The following SCFD2 variants were observed in gnomAD, a reference collection of about 807,000 sequenced individuals.
SCFD2 encodes sec1 family domain-containing protein 2.
Under a neutral mutation model 58.9 loss-of-function variants are expected in SCFD2, and 54 were observed. That is an observed-to-expected ratio of 0.92 (90% confidence interval 0.74 to 1.15). SCFD2 has a LOEUF of 1.15. Among genes scored for constraint, SCFD2 ranks in the 50% most tolerant of loss-of-function variants. SCFD2 has a pLI of 0.00. For missense variants in SCFD2, 805 were observed against 836.6 expected, an observed-to-expected ratio of 0.96 and a Z score of 0.47; for synonymous variants, 321 against 335.9, an observed-to-expected ratio of 0.96 and a Z score of 0.49.
At chr4:52,935,812 CAT>C (rs1457119770) in intron 5 of SCFD2, among the ~76,000 whole-genome samples, 1 of 152,102 alleles carries the variant, frequency 6.6e-6, no homozygotes, top group Non-Finnish European at 1.5e-5. Flanking sequence ...AGAAGCAACA[CAT>C]ATCTATCTCA....
chr4:53,287,832 T>C (rs932649991), intron 3 of SCFD2, among the ~76,000 whole-genome samples: 1 of 152,034 alleles, frequency 6.6e-6, no homozygotes, highest in African/African-American at 2.4e-5. Context: ...AAATAGACAA[T>C]TGAATTAAAC....
At chr4:53,343,017 A>G (rs1363960900) in intron 2 of SCFD2, among the ~76,000 whole-genome samples, 1 of 152,220 alleles carries the variant, frequency 6.6e-6, no homozygotes, top group Non-Finnish European at 1.5e-5. Flanking sequence ...GAAAGATCTA[A>G]AATTGACACC....
At chr4:52,959,383 A>G (rs1376226237) in intron 5 of SCFD2, among the ~76,000 whole-genome samples, 1 of 152,128 alleles carries the variant, frequency 6.6e-6, no homozygotes, top group African/African-American at 2.4e-5. Flanking sequence ...AATGTACAAA[A>G]TCAGAATCTC....
At chr4:53,221,184 A>T (rs1382753999) in intron 4 of SCFD2, among the ~76,000 whole-genome samples, 1 of 152,214 alleles carries the variant, frequency 6.6e-6, no homozygotes, top group African/African-American at 2.4e-5. Context: ...CAAATGAGGA[A>T]AATAGGGTTC....
intron 5 of SCFD2, among the ~76,000 whole-genome samples, chr4:53,120,655 G>A (rs1364428892): frequency 1.3e-5 from 2 of 152,124 alleles, no homozygotes; most frequent in African/African-American, 2.4e-5. Flanking sequence ...GACAGTATCA[G>A]GTTAGAGAGA....
intron 4 of SCFD2, among the ~76,000 whole-genome samples, chr4:53,218,177 G>T (rs188938584): frequency 6.6e-6 from 1 of 152,196 alleles, no homozygotes; most frequent in Non-Finnish European, 1.5e-5. Context: ...TTCCGGAATT[G>T]GAATGTTGGC....
chr4:53,146,541 G>A (rs1255491560), intron 4 of SCFD2, among the ~76,000 whole-genome samples: 1 of 152,090 alleles, frequency 6.6e-6, no homozygotes, highest in Non-Finnish European at 1.5e-5. Context: ...CACCTACTAT[G>A]TTCTAGGCAC....
At chr4:53,134,532 C>T (rs777683428) in intron 5 of SCFD2, among the ~76,000 whole-genome samples, 14 of 151,980 alleles carry the variant, frequency 9.2e-5, no homozygotes, top group Non-Finnish European at 1.6e-4. Context: ...TTTTAAAAAG[C>T]GTGGTTCACT....
At chr4:52,928,152 T>C (rs940114375) in intron 5 of SCFD2, among the ~76,000 whole-genome samples, 1 of 151,802 alleles carries the variant, frequency 6.6e-6, no homozygotes, top group Non-Finnish European at 1.5e-5. Flanking sequence ...CTGGGCAACA[T>C]AGCAAGACTC....
At chr4:53,202,974 A>G (rs1243196223) in intron 4 of SCFD2, among the ~76,000 whole-genome samples, 1 of 152,220 alleles carries the variant, frequency 6.6e-6, no homozygotes, top group African/African-American at 2.4e-5. Flanking sequence ...ATCTGCAAAC[A>G]GGGGCAATTT....
intron 5 of SCFD2, among the ~76,000 whole-genome samples, chr4:53,050,476 A>G (rs1010987732): frequency 5.3e-5 from 8 of 152,228 alleles, no homozygotes; most frequent in African/African-American, 1.9e-4. Flanking sequence ...TAGTTCAATA[A>G]AACAGATAAC....
At chr4:52,903,043 ATCC>A (rs1719256814) in intron 7 of SCFD2, among the ~76,000 whole-genome samples, 1 of 152,214 alleles carries the variant, frequency 6.6e-6, no homozygotes, top group African/African-American at 2.4e-5. Flanking sequence ...TGTGTCACTC[ATCC>A]TCCTATGTGA....
At chr4:53,175,124 TAC>T (rs1727290822) in intron 4 of SCFD2, among the ~76,000 whole-genome samples, 1 of 152,166 alleles carries the variant, frequency 6.6e-6, no homozygotes, top group South Asian at 2.1e-4. Context: ...TGAATTGAAA[TAC>T]AGAACTAATA....
At chr4:52,977,092 A>C (rs139985946) in intron 5 of SCFD2, among the ~76,000 whole-genome samples, 12 of 152,150 alleles carry the variant, frequency 7.9e-5, no homozygotes, top group African/African-American at 2.4e-4. Flanking sequence ...GTATCACTCT[A>C]ACTTCCTTGA....
chr4:53,303,400 A>T (rs1018337957), intron 3 of SCFD2, among the ~76,000 whole-genome samples: 6 of 152,232 alleles, frequency 3.9e-5, no homozygotes, highest in South Asian at 2.1e-4. Context: ...AACCACAATG[A>T]GATACCACCT....
At chr4:52,932,936 C>T (rs921890222) in intron 5 of SCFD2, among the ~76,000 whole-genome samples, 4 of 152,158 alleles carry the variant, frequency 2.6e-5, no homozygotes, top group African/African-American at 9.7e-5. Flanking sequence ...GTAGGTTAGG[C>T]ATGCTTGATT....
chr4:53,158,196 T>A (rs1329846362), intron 4 of SCFD2, among the ~76,000 whole-genome samples: 1 of 152,188 alleles, frequency 6.6e-6, no homozygotes, highest in African/African-American at 2.4e-5. Context: ...CAACTATTTC[T>A]AGACTGCAGT....
chr4:53,014,238 T>A lies in SCFD2; in HGVS notation c.1562-93368A>T, dbSNP rs565695639. Reference sequence around the variant, plus strand: ...GGTATGGAGATGGAGTGGCAGTGATTGTTCCAGGCAAAAGAAACAACTTGT... The same window carrying A: ...GGTATGGAGATGGAGTGGCAGTGATAGTTCCAGGCAAAAGAAACAACTTGT... On this transcript the variant is annotated intron_variant, in intron 5 of 8. Coordinates refer to ENST00000401642, the MANE Select transcript of SCFD2 (RefSeq NM_152540.4). Among the ~76,000 whole-genome samples the A allele has an allele frequency of 3.3e-5, 5 of 152,290 alleles. No homozygotes were observed. The East Asian group carries it at 9.7e-4, about 29-fold the overall frequency.
At chr4:53,113,524 A>G (rs1424058156) in intron 5 of SCFD2, among the ~76,000 whole-genome samples, 1 of 152,148 alleles carries the variant, frequency 6.6e-6, no homozygotes, top group African/African-American at 2.4e-5. Flanking sequence ...TGTTATTTCA[A>G]AATAATCTGT....
Sources: gnomAD v4.1 joint callset for allele counts (sites outside exome capture counted in the v4.1 genomes callset) on GRCh38, gnomAD v4.1.1 for gene constraint, MANE v1.5 for transcripts, NCBI Gene and HGNC (gene_info 2026-07-23, HGNC 2026-07-21) for gene names.